SPAG9: variants seen among roughly 807,000 people sequenced by gnomAD.
SPAG9 encodes the protein sperm associated antigen 9.
In SPAG9, 35 loss-of-function variants were observed where a neutral mutation model predicts 166.5. The ratio of observed to expected loss-of-function variants is 0.21; its 90% CI spans 0.16 to 0.28. The LOEUF (loss-of-function observed/expected upper bound fraction) is 0.28, where lower values mean the gene tolerates loss of function less well. SPAG9 is among the 10% of genes least tolerant of loss of function. The probability of loss-of-function intolerance (pLI) is 1.00; values close to 1 mark genes in which losing one functional copy is unlikely to be tolerated. For missense variants in SPAG9, 1,235 were observed against 1,603.3 expected, an observed-to-expected ratio of 0.77 and a Z score of 3.92; for synonymous variants, 534 against 565.5, an observed-to-expected ratio of 0.94 and a Z score of 0.79.
At chr17:51,093,276 AG>A (rs756699900) in intron 1 of SPAG9, among the ~76,000 whole-genome samples, 8 of 151,796 alleles carry the variant, frequency 5.3e-5, no homozygotes, top group Non-Finnish European at 8.8e-5. Flanking sequence ...ATATGAAAAA[AG>A]TTTGTCCTGC....
At chr17:51,046,725 C>A in intron 4 of SPAG9, 1 of 1,535,860 alleles carries the variant, frequency 6.5e-7, no homozygotes, top group Non-Finnish European at 8.7e-7. Flanking sequence ...AAAGGGGTAT[C>A]TTTGTAGTGA....
At chr17:51,053,350 C>T (rs1045194291) in intron 3 of SPAG9, among the ~76,000 whole-genome samples, 23 of 151,800 alleles carry the variant, frequency 1.5e-4, no homozygotes, top group African/African-American at 5.6e-4. Flanking sequence ...ATAGTGAGAC[C>T]TTATCTCTAC....
At chr17:51,031,616 G>T in intron 6 of SPAG9, 65 bp downstream of exon 6, 1 of 1,094,596 alleles carries the variant, frequency 9.1e-7, no homozygotes, top group Non-Finnish European at 1.4e-6. Context: ...AGCAGTTGAG[G>T]AAGTAATCAA....
At chr17:51,095,929 ATATATAGTGATATAGT>A (rs1291704833) in intron 1 of SPAG9, among the ~76,000 whole-genome samples, 2 of 129,536 alleles carry the variant, frequency 1.5e-5, no homozygotes, top group African/African-American at 3.7e-5. Flanking sequence ...ATATAGTGAT[ATATATAGTGATATAGT>A]TATATATATA....
chr17:51,116,587 T>C (rs2049294585), intron 1 of SPAG9, among the ~76,000 whole-genome samples: 1 of 152,088 alleles, frequency 6.6e-6, no homozygotes, highest in African/African-American at 2.4e-5. Flanking sequence ...GGCAACACAG[T>C]GAGACCTTGT....
At chr17:51,056,526 T>C in intron 2 of SPAG9, 44 bp from the exon 3 acceptor site, 1 of 1,282,400 alleles carries the variant, frequency 7.8e-7, no homozygotes, top group East Asian at 2.3e-5. Flanking sequence ...AAATAAGAAA[T>C]TTACTTGAAA....
chr17:50,994,053 AGG>A, intron 18 of SPAG9, 118 bp from the exon 19 acceptor site: 1 of 1,009,842 alleles, frequency 9.9e-7, no homozygotes, highest in Non-Finnish European at 1.4e-6. Flanking sequence ...ATTATTTGGA[AGG>A]GTAAAAATAC....
chr17:50,993,804 A>G lies in SPAG9; in HGVS notation c.2358T>C (p.Thr786=), dbSNP rs747232166. 1 of 1,614,196 alleles carries G rather than the reference A, an allele frequency of 6.2e-7. No individual in the cohort carries two copies. The highest frequency in any genetic ancestry group is 8.5e-7 in the Non-Finnish European group (1 of 1,180,028). ...TGCACAGAACATGAGAGTTGCAAAC[A>G]GTGAAACTGTCTAGGATGTTGCCAG... ...VQPGNILDSF[T]VCNSHVLCIA... The change falls in exon 19 of 30, where the codon ACT becomes ACC. Residue 786 remains threonine (T), a synonymous_variant. Transcript: ENST00000262013.
In SPAG9 at chr17:51,028,153, T is replaced by C. The variant is rs540161397; in HGVS notation, c.783+3528A>G. Among the ~76,000 whole-genome samples, 8 of 152,158 alleles carry C rather than the reference T, an allele frequency of 5.3e-5. No homozygotes were observed. The East Asian group carries it at 1.3e-3, about 26-fold the overall frequency. On this transcript the variant is annotated intron_variant, in intron 6 of 29. Coordinates refer to ENST00000262013, the MANE Select transcript of SPAG9 (RefSeq NM_001130528.3). Reference sequence around the variant, plus strand: ...TATTTTCATAGAGCTATACAATGTGTTTGTGTTTTAAGCTAAACATTATTA... The same window carrying C: ...TATTTTCATAGAGCTATACAATGTGCTTGTGTTTTAAGCTAAACATTATTA...
chr17:51,034,255 C>G (rs954500794), intron 5 of SPAG9, among the ~76,000 whole-genome samples: 1 of 152,094 alleles, frequency 6.6e-6, no homozygotes, highest in Non-Finnish European at 1.5e-5. Context: ...CACACTAATA[C>G]AAAATTCTAT....
chr17:51,084,906 A>G (rs1046299506), intron 1 of SPAG9, among the ~76,000 whole-genome samples: 1 of 152,052 alleles, frequency 6.6e-6, no homozygotes, highest in Non-Finnish European at 1.5e-5. Context: ...GCTGGAGTGC[A>G]GTGGCATGAT....
At chr17:51,021,406 A>G (rs754588558) in intron 6 of SPAG9, 41 bp from the exon 7 acceptor site, 1 of 1,451,638 alleles carries the variant, frequency 6.9e-7, no homozygotes, top group South Asian at 1.3e-5. Flanking sequence ...TTAAATGACG[A>G]ATTTACTCTA....
intron 1 of SPAG9, among the ~76,000 whole-genome samples, chr17:51,117,012 G>A (rs1330663759): frequency 1.3e-5 from 2 of 152,108 alleles, no homozygotes; most frequent in African/African-American, 2.4e-5. Flanking sequence ...AGTGATGGGC[G>A]ATAAGATGAC....
At chr17:51,089,461 G>T (rs971746501) in intron 1 of SPAG9, among the ~76,000 whole-genome samples, 1 of 149,752 alleles carries the variant, frequency 6.7e-6, no homozygotes, top group Non-Finnish European at 1.5e-5. Context: ...AAAAGAAGTC[G>T]ACAGGTGCAC....
intron 6 of SPAG9, among the ~76,000 whole-genome samples, chr17:51,024,033 C>T (rs2046054539): frequency 6.6e-6 from 1 of 152,176 alleles, no homozygotes; most frequent in Admixed American, 6.5e-5. Flanking sequence ...CGGTGGCTCA[C>T]GCCTGAAATC....
chr17:51,105,987 A>T (rs1407292942), intron 1 of SPAG9, among the ~76,000 whole-genome samples: 2 of 151,228 alleles, frequency 1.3e-5, no homozygotes, highest in Non-Finnish European at 3.0e-5. Context: ...AATTATGGCC[A>T]GGCGCAGTGG....
chr17:51,093,462 G>C (rs1194951144), intron 1 of SPAG9, among the ~76,000 whole-genome samples: 2 of 152,072 alleles, frequency 1.3e-5, no homozygotes, highest in African/African-American at 4.8e-5. Context: ...CTGCACTTTG[G>C]GAGGCTGAGG....
intron 5 of SPAG9, among the ~76,000 whole-genome samples, chr17:51,039,792 G>C (rs867664906): frequency 1.5e-4 from 23 of 152,182 alleles, no homozygotes; most frequent in Middle Eastern, 3.4e-3. Flanking sequence ...TACCATATGG[G>C]ATACTTTTTT....
chr17:51,100,389 G>C (rs1415803344), intron 1 of SPAG9, among the ~76,000 whole-genome samples: 2 of 152,160 alleles, frequency 1.3e-5, no homozygotes, highest in East Asian at 1.9e-4. Context: ...CAGACTGCTT[G>C]AGCCCAGAAG....
Sources: allele counts gnomAD v4.1 joint callset (sites outside exome capture counted in the v4.1 genomes callset), GRCh38; gene constraint gnomAD v4.1.1; transcripts MANE v1.5; gene names NCBI Gene and HGNC (gene_info 2026-07-23, HGNC 2026-07-21).